The following CHRM3 variants were observed in gnomAD, a reference collection of about 807,000 sequenced individuals.
The protein encoded by CHRM3 is muscarinic acetylcholine receptor M3.
CHRM3 carries 11 observed loss-of-function variants against 41.8 expected under a neutral mutation model. The observed-to-expected ratio is 0.26, with a 90% CI of 0.17 to 0.44. The LOEUF is 0.44. Ranked by LOEUF, CHRM3 falls within the 20% of genes least tolerant of loss-of-function variation. The probability of loss-of-function intolerance (pLI) is 1.00; values close to 1 mark genes in which losing one functional copy is unlikely to be tolerated. For missense variants in CHRM3, 571 were observed against 745.4 expected (o/e 0.77, Z 2.72); for synonymous variants, 297 against 301.4 (o/e 0.99, Z 0.15).
intron 5 of CHRM3, among the ~76,000 whole-genome samples, chr1:239,778,699 G>T (rs200074944): frequency 6.6e-6 from 1 of 152,168 alleles, no homozygotes; most frequent in East Asian, 1.9e-4. Context: ...TTCGCATAGT[G>T]TTTTCTCGAT....
chr1:239,654,637 A>G (rs1474372241), intron 4 of CHRM3, among the ~76,000 whole-genome samples: 6 of 152,116 alleles, frequency 3.9e-5, no homozygotes, highest in East Asian at 1.9e-4. Context: ...GACCTCAGGT[A>G]ATCCGCCCTC....
intron 2 of CHRM3, among the ~76,000 whole-genome samples, chr1:239,499,895 A>C (rs1668113501): frequency 6.6e-6 from 1 of 152,156 alleles, no homozygotes; most frequent in African/African-American, 2.4e-5. Flanking sequence ...ATCATCATAT[A>C]GGAAGGAAAG....
intron 5 of CHRM3, among the ~76,000 whole-genome samples, chr1:239,712,805 G>T: frequency 6.6e-6 from 1 of 151,998 alleles, no homozygotes; most frequent in East Asian, 1.9e-4. Context: ...GAGTAGAGAT[G>T]GTCTGTTATC....
intron 3 of CHRM3, among the ~76,000 whole-genome samples, chr1:239,614,716 C>T (rs1667443435): frequency 6.6e-6 from 1 of 152,134 alleles, no homozygotes; most frequent in East Asian, 1.9e-4. Flanking sequence ...ATGTTTGCTG[C>T]TTTTAGCTAA....
At chr1:239,618,834 A>C (rs1668018330) in intron 3 of CHRM3, among the ~76,000 whole-genome samples, 2 of 123,596 alleles carry the variant, frequency 1.6e-5, no homozygotes, top group Admixed American at 8.2e-5. Context: ...ACAGAGCGAG[A>C]CTCTGTCAGA....
chr1:239,656,679 G>A (rs1672752015), intron 4 of CHRM3, among the ~76,000 whole-genome samples: 1 of 151,892 alleles, frequency 6.6e-6, no homozygotes, highest in African/African-American at 2.4e-5. Context: ...TAAAATTTTG[G>A]TATTGAGGTT....
chr1:239,562,298 A>T (rs1660932483), intron 3 of CHRM3, among the ~76,000 whole-genome samples: 2 of 152,100 alleles, frequency 1.3e-5, no homozygotes, highest in South Asian at 2.1e-4. Context: ...AAGTCACGTG[A>T]TCCCTCATAA....
At chr1:239,477,826 A>G (rs1387847060) in intron 1 of CHRM3, among the ~76,000 whole-genome samples, 1 of 152,208 alleles carries the variant, frequency 6.6e-6, no homozygotes, top group Non-Finnish European at 1.5e-5. Flanking sequence ...GAGGAGCAGG[A>G]GAGCTGAGTA....
intron 1 of CHRM3, among the ~76,000 whole-genome samples, chr1:239,433,963 C>A: frequency 6.6e-6 from 1 of 152,104 alleles, no homozygotes; most frequent in East Asian, 1.9e-4. Context: ...ACATATTTTC[C>A]TCTGGGTAGA....
At chr1:239,791,622 C>T (rs980388974) in intron 5 of CHRM3, among the ~76,000 whole-genome samples, 2 of 152,158 alleles carry the variant, frequency 1.3e-5, no homozygotes, top group African/African-American at 4.8e-5. Flanking sequence ...CTAAGACTGG[C>T]TTTGCCTTGG....
At chr1:239,802,691 G>A (rs556709520) in intron 5 of CHRM3, among the ~76,000 whole-genome samples, 2 of 152,256 alleles carry the variant, frequency 1.3e-5, no homozygotes, top group South Asian at 2.1e-4. Context: ...CAACCTCCCT[G>A]GGCTTAGGTG....
At chr1:239,515,418 T>TG (rs1416121391) in intron 2 of CHRM3, among the ~76,000 whole-genome samples, 4 of 151,500 alleles carry the variant, frequency 2.6e-5, no homozygotes, top group Non-Finnish European at 4.4e-5. Flanking sequence ...TTTTGTTTTT[T>TG]TTTTTTTTAA....
At chr1:239,679,027 G>GGATACATAGATA (rs1658288663) in intron 5 of CHRM3, among the ~76,000 whole-genome samples, 1 of 148,666 alleles carries the variant, frequency 6.7e-6, no homozygotes, top group African/African-American at 2.5e-5. Context: ...GTAGATAGAT[G>GGATACATAGATA]GATAGATAGA....
At chr1:239,537,994 G>C (rs188289038) in intron 2 of CHRM3, among the ~76,000 whole-genome samples, 1 of 152,146 alleles carries the variant, frequency 6.6e-6, no homozygotes, top group Non-Finnish European at 1.5e-5. Flanking sequence ...AGTCATAAGC[G>C]CTTGGCATGT....
intron 3 of CHRM3, among the ~76,000 whole-genome samples, chr1:239,615,703 T>C (rs1036261575): frequency 1.3e-5 from 2 of 151,666 alleles, no homozygotes; most frequent in African/African-American, 2.4e-5. Flanking sequence ...CCAGGTGTAA[T>C]TGATGTCACC....
chr1:239,737,832 T>C (rs973035996), intron 5 of CHRM3, among the ~76,000 whole-genome samples: 1 of 152,174 alleles, frequency 6.6e-6, no homozygotes, highest in Non-Finnish European at 1.5e-5. Context: ...AGATATCTGA[T>C]TAGATCTCAG....
intron 1 of CHRM3, among the ~76,000 whole-genome samples, chr1:239,431,155 A>G (rs1662804057): frequency 6.6e-6 from 1 of 152,152 alleles, no homozygotes; most frequent in African/African-American, 2.4e-5. Flanking sequence ...AAATATTTAT[A>G]GGTACCTATT....
At chr1:239,620,598 A>T (rs1261092346) in intron 3 of CHRM3, among the ~76,000 whole-genome samples, 1 of 152,134 alleles carries the variant, frequency 6.6e-6, no homozygotes, top group African/African-American at 2.4e-5. Context: ...AGCAGTATGT[A>T]CCAAAATTTA....
chr1:239,642,711 AT>A (rs1671310891), intron 4 of CHRM3, among the ~76,000 whole-genome samples: 1 of 152,096 alleles, frequency 6.6e-6, no homozygotes, highest in South Asian at 2.1e-4. Context: ...TTTGGTTTGA[AT>A]TTCCTCCTGT....
Sources: allele counts gnomAD v4.1 joint callset (sites outside exome capture counted in the v4.1 genomes callset), GRCh38; gene constraint gnomAD v4.1.1; transcripts MANE v1.5; gene names NCBI Gene and HGNC (gene_info 2026-07-23, HGNC 2026-07-21).